Variants in NKAIN3 observed in about 807,000 individuals in gnomAD.
NKAIN3 encodes sodium/potassium transporting ATPase interacting 3, also known as sodium/potassium-transporting ATPase subunit beta-1-interacting protein 3.
NKAIN3 carries 25 observed loss-of-function variants against 30.2 expected under a neutral mutation model. The observed-to-expected ratio is 0.83, with a 90% confidence interval of 0.60 to 1.16. The LOEUF (loss-of-function observed/expected upper bound fraction) is 1.16, where lower values mean the gene tolerates loss of function less well. Among genes scored for constraint, NKAIN3 ranks in the 50% most tolerant of loss-of-function variants. The pLI is 0.00. For missense variants in NKAIN3, 225 were observed against 254.1 expected (o/e 0.89, Z 0.78); for synonymous variants, 91 against 89.6 (o/e 1.02, Z -0.09).
In NKAIN3 at chr8:62,982,376, G is replaced by A. The variant is rs1824103478; in HGVS notation, c.*16969G>A. Reference sequence around the variant, plus strand: ...AATTTGAATGGAGAGCCCTTTCAATGTGGCGTTTCTGTTTCTTCCATAACC... The same window carrying A: ...AATTTGAATGGAGAGCCCTTTCAATATGGCGTTTCTGTTTCTTCCATAACC... On this transcript the variant is annotated 3_prime_UTR_variant, in exon 7 of 7. Transcript: ENST00000623646. 1 of 152,164 alleles carries A rather than the reference G, an allele frequency of 6.6e-6. No individual in the cohort carries two copies. Among genetic ancestry groups the A allele is most frequent in the South Asian group, 2.1e-4 (1 of 4,824 alleles). 9.4% of individuals were successfully genotyped at this position (152,164 alleles called of 1,614,324 possible).
rs989547646 is a variant in NKAIN3, at chr8:62,969,149, C to A, written c.*3742C>A. Among the ~76,000 whole-genome samples, 1 of 152,182 alleles carries A rather than the reference C, an allele frequency of 6.6e-6. No individual in the cohort carries two copies. The highest frequency in any genetic ancestry group is 6.5e-5 in the Admixed American group (1 of 15,276). On this transcript the variant is annotated 3_prime_UTR_variant, in exon 7 of 7. Transcript: ENST00000623646. ...GAAGATACTCGACACTTTGCCCTAG[C>A]AAAATATTGACTTCTTTGATTTTTC...
intron 1 of NKAIN3, among the ~76,000 whole-genome samples, chr8:62,494,075 T>A (rs1807156729): frequency 6.6e-6 from 1 of 152,206 alleles, no homozygotes; most frequent in South Asian, 2.1e-4. Context: ...ATAGGAGTGA[T>A]TAGAAAGGAC....
At chr8:62,392,817 T>G (rs1399830425) in intron 1 of NKAIN3, among the ~76,000 whole-genome samples, 1 of 152,060 alleles carries the variant, frequency 6.6e-6, no homozygotes, top group Non-Finnish European at 1.5e-5. Context: ...AGATTAGAAT[T>G]TTTTAAATAT....
Position 62,961,370 on chromosome 8 carries a change from G to T in NKAIN3, c.604-3984G>T, listed in dbSNP as rs576923364. Among the ~76,000 whole-genome samples the T allele has an allele frequency of 4.6e-5, 7 of 152,166 alleles. No individual in the cohort carries two copies. The South Asian group carries it at 1.5e-3, about 32-fold the overall frequency. On this transcript the variant is annotated intron_variant, in intron 6 of 6. Coordinates refer to ENST00000623646, the MANE Select transcript of NKAIN3 (RefSeq NM_001304533.3). ...CACAGCACCACCTATAGAATGCCTTGCCATAAAGTCAAGCCTGACCTTGGA... is the reference window on the plus strand; with the variant it reads ...CACAGCACCACCTATAGAATGCCTTTCCATAAAGTCAAGCCTGACCTTGGA...
At chr8:62,279,751 G>C (rs1038006278) in intron 1 of NKAIN3, among the ~76,000 whole-genome samples, 3 of 152,204 alleles carry the variant, frequency 2.0e-5, no homozygotes, top group Non-Finnish European at 2.9e-5. Context: ...TTTGGTACCA[G>C]TACCATGCTG....
At chr8:62,938,629 G>A (rs1476727869) in intron 5 of NKAIN3, among the ~76,000 whole-genome samples, 1 of 152,118 alleles carries the variant, frequency 6.6e-6, no homozygotes, top group African/African-American at 2.4e-5. Context: ...TCTGCTGGAT[G>A]GCTAGACCCA....
rs142493640 is a variant in NKAIN3, at chr8:62,327,881, C to T, written c.54+78754C>T. On this transcript the variant is annotated intron_variant, in intron 1 of 6. Transcript: ENST00000623646. ...GATCATTTGCGGGGGGGATTGTTGACATTTTAATATTGTCTTCCAATTCAT... is the reference window on the plus strand; with the variant it reads ...GATCATTTGCGGGGGGGATTGTTGATATTTTAATATTGTCTTCCAATTCAT... Among the ~76,000 whole-genome samples, 95 of 152,132 alleles carry T rather than the reference C, an allele frequency of 6.2e-4. No individual in the cohort carries two copies. The Middle Eastern group carries it at 0.017, about 27-fold the overall frequency.
At chr8:62,463,552 C>T (rs1347991340) in intron 1 of NKAIN3, among the ~76,000 whole-genome samples, 2 of 152,268 alleles carry the variant, frequency 1.3e-5, no homozygotes, top group East Asian at 1.9e-4. Context: ...AAAGCTATAC[C>T]AACTATTGGT....
chr8:62,476,438 G>A (rs1252125115), intron 1 of NKAIN3, among the ~76,000 whole-genome samples: 2 of 151,098 alleles, frequency 1.3e-5, no homozygotes, highest in Admixed American at 6.6e-5. Context: ...GTGATTTTTT[G>A]TAGTTTTTTT....
intron 1 of NKAIN3, among the ~76,000 whole-genome samples, chr8:62,508,144 G>C (rs936560723): frequency 5.9e-5 from 9 of 152,168 alleles, no homozygotes; most frequent in Non-Finnish European, 8.8e-5. Flanking sequence ...GGAGAAAGTA[G>C]TTCTGTGAAA....
intron 2 of NKAIN3, among the ~76,000 whole-genome samples, chr8:62,581,768 C>A (rs1810300016): frequency 1.4e-5 from 2 of 139,742 alleles, no homozygotes; most frequent in South Asian, 5.2e-4. Flanking sequence ...TTCCTTCCTT[C>A]CTCCCTCCCT....
intron 1 of NKAIN3, among the ~76,000 whole-genome samples, chr8:62,305,986 T>C (rs1814224917): frequency 6.6e-6 from 1 of 150,522 alleles, no homozygotes; most frequent in Non-Finnish European, 1.5e-5. Flanking sequence ...TGGGGATGCC[T>C]CCTGACCTAC....
rs564201760 is a variant in NKAIN3 at position 62,439,936 on chromosome 8, G to A, written c.55-139603G>A. 1.2e-4 allele frequency among the ~76,000 whole-genome samples: 19 copies of A among 152,212 alleles called. No individual in the cohort carries two copies. In the South Asian group the frequency reaches 2.3e-3, roughly 18 times the overall value. ...CTGTGTTTATAGATTTACTTTAATC[G>A]GTTAGGAAGCAGATATTAATATGAG... On this transcript the variant is annotated intron_variant, in intron 1 of 6. Transcript: ENST00000623646.
At chr8:62,699,373 T>C (rs997933794) in intron 3 of NKAIN3, among the ~76,000 whole-genome samples, 30 of 152,218 alleles carry the variant, frequency 2.0e-4, no homozygotes, top group African/African-American at 7.0e-4. Flanking sequence ...CTTTGAATGA[T>C]GACCAATTAA....
chr8:62,344,752 C>G (rs1403285480), intron 1 of NKAIN3: 3 of 326,390 alleles, frequency 9.2e-6, no homozygotes, highest in Non-Finnish European at 1.8e-5. Context: ...CAGTTTGCTA[C>G]ACACTAGTAA....
At chr8:62,868,341 C>CT (rs35914769) in intron 4 of NKAIN3, among the ~76,000 whole-genome samples, 4,354 of 146,318 alleles carry the variant, frequency 0.03, 85 homozygotes, top group South Asian at 0.054. Context: ...AGTTCATTTC[C>CT]TTTTTTTTTT....
intron 3 of NKAIN3, among the ~76,000 whole-genome samples, chr8:62,706,899 A>C (rs747106129): frequency 5.7e-4 from 87 of 152,126 alleles, no homozygotes; most frequent in Admixed American, 1.2e-3. Flanking sequence ...GCATCCTCAT[A>C]GCTTAGCTCC....
chr8:62,573,907 T>C (rs1415463205), intron 1 of NKAIN3, among the ~76,000 whole-genome samples: 1 of 152,196 alleles, frequency 6.6e-6, no homozygotes, highest in Non-Finnish European at 1.5e-5. Flanking sequence ...TTTGTAGCTA[T>C]TTTAAAATGT....
chr8:62,318,475 A>G (rs1814740644), intron 1 of NKAIN3, among the ~76,000 whole-genome samples: 1 of 152,208 alleles, frequency 6.6e-6, no homozygotes. Context: ...CATCCCATCA[A>G]TACCTAATTT....
Sources: allele counts gnomAD v4.1 joint callset (sites outside exome capture counted in the v4.1 genomes callset), GRCh38; gene constraint gnomAD v4.1.1; transcripts MANE v1.5; gene names NCBI Gene and HGNC (gene_info 2026-07-23, HGNC 2026-07-21).